Variants in ZNF45 observed in about 807,000 individuals in gnomAD.
The protein encoded by ZNF45 is zinc finger protein 45.
Under a neutral mutation model 12.0 loss-of-function variants are expected in ZNF45, and 4 were observed. That is an observed-to-expected ratio of 0.33 (90% CI 0.16 to 0.76). ZNF45 has a LOEUF of 0.76. Among genes scored for constraint, ZNF45 ranks in the 30% least tolerant of loss-of-function variants. The pLI, the probability that ZNF45 is intolerant of heterozygous loss-of-function variation, is 0.60. For missense variants in ZNF45, 700 were observed against 813.0 expected (o/e 0.86, Z 1.69); for synonymous variants, 272 against 279.6 (o/e 0.97, Z 0.27).
chr19:43,913,236 G>T lies in ZNF45; in HGVS notation c.*151C>A. On this transcript the variant is annotated 3_prime_UTR_variant, in exon 10 of 10. Transcript: ENST00000269973. ...GCTAATGGTCAATGTTCTGAATGCA[G>T]TCCATATGTCTCCACTCTTGTGAGG... 1 of 796,794 alleles carries T rather than the reference G, an allele frequency of 1.3e-6. No homozygotes were observed. The highest frequency in any genetic ancestry group is 1.9e-6 in the Non-Finnish European group (1 of 518,890). The allele number at this position is 796,794 out of a possible 1,614,324, so 49.4% of individuals were successfully genotyped here.
In ZNF45 at chr19:43,933,303, T is replaced by C. The variant is rs114588606; in HGVS notation, c.-486-613A>G. Among the ~76,000 whole-genome samples the C allele has an allele frequency of 9.6e-3, 1,455 of 152,132 alleles. 20 individuals carry two copies. The highest frequency in any genetic ancestry group is 0.033 in the African/African-American group (1,370 of 41,488). Reference sequence around the variant, plus strand: ...GGCCAACATGGAGAAACCCAGTCTTTACTATAAACACAAAAATTAGCAGGG... The same window carrying C: ...GGCCAACATGGAGAAACCCAGTCTTCACTATAAACACAAAAATTAGCAGGG... On this transcript the variant is annotated intron_variant, in intron 2 of 9. Transcript: ENST00000269973.
rs144473611 is a variant in ZNF45, at chr19:43,914,110, T to G, written c.1326A>C (p.Lys442Asn). Residue 442 changes from lysine to asparagine, a missense_variant, in exon 10 of 10, where the codon AAA becomes AAC. Coordinates refer to ENST00000269973, the MANE Select transcript of ZNF45 (RefSeq NM_003425.4). ...NIHFRVHTGE[K>N]PYKCEECGKG... Reference sequence around the variant, plus strand: ...TGCCACACTCCTCACATTTATAGGGTTTTTCCCCTGTATGGACTCTAAAAT... The same window carrying G: ...TGCCACACTCCTCACATTTATAGGGGTTTTCCCCTGTATGGACTCTAAAAT... 2 of 1,613,100 alleles carry G rather than the reference T, an allele frequency of 1.2e-6. No individual in the cohort carries two copies. The highest frequency in any genetic ancestry group is 2.7e-5 in the African/African-American group (2 of 74,530).
chr19:43,918,994 T>C (rs1332993917), intron 8 of ZNF45, 32 bp from the exon 9 acceptor site: 2 of 1,584,542 alleles, frequency 1.3e-6, no homozygotes, highest in Non-Finnish European at 1.7e-6. Flanking sequence ...GGTTTATAAT[T>C]AATACATCAG....
chr19:43,927,815 C>T (rs551858835), intron 3 of ZNF45, among the ~76,000 whole-genome samples: 4 of 151,852 alleles, frequency 2.6e-5, no homozygotes, highest in Non-Finnish European at 5.9e-5. Flanking sequence ...CCTAAATGCC[C>T]GTCGATAGCA....
At position 43,912,632 on chromosome 19, in the gene ZNF45, A is replaced by G. The variant is rs991396679; in HGVS notation, c.*755T>C. The G allele has an allele frequency of 1.3e-5, 2 of 152,212 alleles. No homozygotes were observed. Among genetic ancestry groups the G allele is most frequent in the Non-Finnish European group, 2.9e-5 (2 of 68,044 alleles). The allele number at this position is 152,212 out of a possible 1,614,324, so 9.4% of individuals were successfully genotyped here. On this transcript the variant is annotated 3_prime_UTR_variant, in exon 10 of 10. Coordinates refer to ENST00000269973, the MANE Select transcript of ZNF45 (RefSeq NM_003425.4). Reference sequence around the variant, plus strand: ...ATACTTGGCACTGGAGGTGGGATTGACTGGAAATGGGCACAAGAAAACTTT... The same window carrying G: ...ATACTTGGCACTGGAGGTGGGATTGGCTGGAAATGGGCACAAGAAAACTTT...
At chr19:43,919,412 C>T (rs1397026379) in intron 8 of ZNF45, among the ~76,000 whole-genome samples, 161 bp downstream of exon 8, 2 of 152,194 alleles carry the variant, frequency 1.3e-5, no homozygotes, top group Non-Finnish European at 2.9e-5. Flanking sequence ...ACAAAATACA[C>T]ACTTTTGCCA....
Position 43,913,974 on chromosome 19 carries a change from T to A in ZNF45, c.1462A>T (p.Asn488Tyr). Residue 488 changes from asparagine to tyrosine, a missense_variant, in exon 10 of 10, where the codon AAT becomes TAT. Coordinates refer to ENST00000269973, the MANE Select transcript of ZNF45 (RefSeq NM_003425.4). ...GKGFSRSSDL[N>Y]VHCRIHTGEK... The stretch of plus-strand genomic sequence containing the variant: ...CCTGTGTGGATTCTACAGTGTACAT[T>A]AAGATCTGAGCTCCGACTGAAGCCC... 6.2e-7 allele frequency: 1 copy of A among 1,609,492 alleles called. No homozygotes were observed. Among genetic ancestry groups the A allele is most frequent in the Non-Finnish European group, 8.5e-7 (1 of 1,178,866 alleles).
Position 43,914,376 on chromosome 19 carries a change from G to A in ZNF45, c.1060C>T (p.His354Tyr). 6.2e-7 allele frequency: 1 copy of A among 1,611,928 alleles called. No homozygotes were observed. Among genetic ancestry groups the A allele is most frequent in the Non-Finnish European group, 8.5e-7 (1 of 1,178,446 alleles). Residue 354 changes from histidine to tyrosine, a missense_variant, in exon 10 of 10, where the codon CAC becomes TAC. His to Tyr is a moderately conservative substitution (Grantham distance 83, BLOSUM62 2). Coordinates refer to ENST00000269973, the MANE Select transcript of ZNF45 (RefSeq NM_003425.4). ...SSHLNIHCRIHTGEKPYKCEE... is the reference protein window; with the variant it reads ...SSHLNIHCRIYTGEKPYKCEE... The stretch of plus-strand genomic sequence containing the variant: ...CACTTATAGGGTTTCTCTCCTGTGT[G>A]GATTCTACAATGAATATTAAGGTGT...
chr19:43,932,947 G>A (rs1485582437), intron 2 of ZNF45, among the ~76,000 whole-genome samples: 1 of 152,126 alleles, frequency 6.6e-6, no homozygotes, highest in African/African-American at 2.4e-5. Context: ...ACTGTCTTTG[G>A]AAATAGGGCC....
chr19:43,933,486 GATAATT>G (rs1196461950), intron 2 of ZNF45, among the ~76,000 whole-genome samples: 1 of 151,988 alleles, frequency 6.6e-6, no homozygotes, highest in Non-Finnish European at 1.5e-5. Flanking sequence ...CACAATTAAT[GATAATT>G]ATTAGTTTTT....
At chr19:43,923,331 T>C (rs1002043203) in intron 6 of ZNF45, among the ~76,000 whole-genome samples, 2 of 152,136 alleles carry the variant, frequency 1.3e-5, no homozygotes, top group East Asian at 1.9e-4. Flanking sequence ...AATAGGTGAG[T>C]ACAGTGCAGT....
intron 3 of ZNF45, 108 bp downstream of exon 3, chr19:43,932,496 T>A (rs1478273907): frequency 6.6e-6 from 1 of 152,198 alleles, no homozygotes; most frequent in East Asian, 1.9e-4. Flanking sequence ...CCACCAAACG[T>A]GAGATAACAG....
rs539896606 is a variant in ZNF45 at position 43,913,589 on chromosome 19, T to G, written c.1847A>C (p.Glu616Ala). Residue 616 changes from glutamate (E) to alanine (A), a missense_variant, in exon 10 of 10, where the codon GAA becomes GCA. Physicochemically the swap from Glu to Ala is moderately radical, Grantham distance 107. Coordinates refer to ENST00000269973, the MANE Select transcript of ZNF45 (RefSeq NM_003425.4). ...HTGERPYKCE[E>A]CGKVFSWSSY... The stretch of plus-strand genomic sequence containing the variant: ...GCTCCAGCTGAAGACTTTCCCACAT[T>G]CCTCACATTTGTATGGTCTCTCTCC... 2.3e-5 allele frequency: 37 copies of G among 1,613,960 alleles called. No homozygotes were observed. The Middle Eastern group carries it at 8.2e-4, about 36-fold the overall frequency.
rs1470836159 is a variant in ZNF45 at position 43,919,684 on chromosome 19, T to C, written c.31A>G (p.Lys11Glu). The change falls in exon 8 of 10, where the codon AAG becomes GAG. Residue 11 changes from lysine to glutamate, a missense_variant. Physicochemically the swap from Lys to Glu is moderately conservative, Grantham distance 56. Coordinates refer to ENST00000269973, the MANE Select transcript of ZNF45 (RefSeq NM_003425.4). ...TCAGAGAAGACCACAGCCACGTCCT[T>C]GAATGTCACTGCCTCCTACAACATC... MTKSKEAVTF[K>E]DVAVVFSEEE... The C allele has an allele frequency of 1.2e-6, 2 of 1,611,750 alleles. No homozygotes were observed. The highest frequency in any genetic ancestry group is 1.7e-5 in the Admixed American group (1 of 59,854).
chr19:43,924,841 G>A (rs1286370791), intron 4 of ZNF45, among the ~76,000 whole-genome samples: 1 of 152,212 alleles, frequency 6.6e-6, no homozygotes, highest in Non-Finnish European at 1.5e-5. Flanking sequence ...AGGAAGGTCA[G>A]TGAAAGTGAC....
At chr19:43,933,329 C>A (rs746927325) in intron 2 of ZNF45, among the ~76,000 whole-genome samples, 1 of 151,984 alleles carries the variant, frequency 6.6e-6, no homozygotes, top group Non-Finnish European at 1.5e-5. Context: ...ATTAGCAGGG[C>A]GTGGTGACGG....
chr19:43,931,549 AT>A (rs1974144211), intron 3 of ZNF45, among the ~76,000 whole-genome samples: 1 of 133,622 alleles, frequency 7.5e-6, no homozygotes, highest in Non-Finnish European at 1.7e-5. Context: ...AAAAAAATGT[AT>A]ACATATATAT....
intron 3 of ZNF45, among the ~76,000 whole-genome samples, chr19:43,928,972 CGAT>C (rs1318631164): frequency 6.6e-6 from 1 of 152,132 alleles, no homozygotes; most frequent in Non-Finnish European, 1.5e-5. Context: ...ATTTTCATAA[CGAT>C]GATAGAGATT....
intron 3 of ZNF45, among the ~76,000 whole-genome samples, chr19:43,931,711 C>G (rs973628733): frequency 2.6e-5 from 4 of 152,136 alleles, no homozygotes; most frequent in African/African-American, 9.7e-5. Flanking sequence ...TTCACAGAAA[C>G]TTTACGAGGT....
Sources: gnomAD v4.1 joint callset for allele counts (sites outside exome capture counted in the v4.1 genomes callset) on GRCh38, gnomAD v4.1.1 for gene constraint, MANE v1.5 for transcripts, NCBI Gene and HGNC (gene_info 2026-07-23, HGNC 2026-07-21) for gene names.